The following MYO16 variants were observed in gnomAD, a reference collection of about 807,000 sequenced individuals.
MYO16 encodes unconventional myosin-XVI.
A neutral mutation model predicts 205.3 loss-of-function variants in MYO16; 94 were observed. The ratio of observed to expected loss-of-function variants is 0.46; its 90% confidence interval spans 0.39 to 0.54. The LOEUF is 0.54. MYO16 is among the 20% of genes least tolerant of loss of function. The probability of loss-of-function intolerance (pLI) is 0.00; values close to 1 mark genes in which losing one functional copy is unlikely to be tolerated. For synonymous variants in MYO16, 988 were observed against 954.0 expected (o/e 1.04, Z -0.66); for missense variants, 2,315 against 2,387.5 (o/e 0.97, Z 0.63).
intron 1 of MYO16, among the ~76,000 whole-genome samples, chr13:108,632,467 C>A (rs1454047334): frequency 1.3e-5 from 2 of 152,044 alleles, no homozygotes; most frequent in Non-Finnish European, 2.9e-5. Context: ...GCTGGGTGAC[C>A]AATAGCTAAT....
chr13:108,592,276 T>TG (rs1228587022), upstream of MYO16, among the ~76,000 whole-genome samples: 1 of 40,158 alleles, frequency 2.5e-5, no homozygotes, highest in Non-Finnish European at 4.6e-5. Context: ...TGTGGGTGTG[T>TG]GGGGGGCTGT....
intron 2 of MYO16, among the ~76,000 whole-genome samples, chr13:108,703,106 G>T (rs1285377316): frequency 6.9e-6 from 1 of 145,210 alleles, no homozygotes; most frequent in Non-Finnish European, 1.5e-5. Flanking sequence ...TAATATAAAT[G>T]GATTTAATAC....
chr13:108,738,709 G>A lies in MYO16; in HGVS notation c.507+11126G>A, dbSNP rs374474584. ...GATATCCTTGTTAACTTTCTGTCTC[G>A]TTGATCTGTGTAATATTGACAGTGG... On this transcript the variant is annotated intron_variant, in intron 4 of 34. Coordinates refer to ENST00000457511, the MANE Select transcript of MYO16 (RefSeq NM_001198950.3). Among the ~76,000 whole-genome samples the A allele has an allele frequency of 7.4e-4, 112 of 152,188 alleles. 1 individual carries two copies. The South Asian group carries it at 0.014, about 19-fold the overall frequency.
intron 32 of MYO16, among the ~76,000 whole-genome samples, chr13:109,150,931 TC>T (rs1261801079): frequency 6.6e-6 from 1 of 152,198 alleles, no homozygotes; most frequent in Non-Finnish European, 1.5e-5. Context: ...TATCTGCATC[TC>T]ATTATTGCCA....
At chr13:109,188,558 T>C (rs1879781054) in intron 34 of MYO16, among the ~76,000 whole-genome samples, 1 of 152,098 alleles carries the variant, frequency 6.6e-6, no homozygotes, top group Non-Finnish European at 1.5e-5. Flanking sequence ...ACACGATAGA[T>C]GAATATATAA....
intron 34 of MYO16, among the ~76,000 whole-genome samples, chr13:109,185,694 T>A (rs1335661920): frequency 1.3e-5 from 2 of 152,256 alleles, no homozygotes; most frequent in Non-Finnish European, 2.9e-5. Flanking sequence ...ACTTTAGAGC[T>A]ACATTTTTGG....
At chr13:108,852,356 T>A (rs1007397458) in intron 10 of MYO16, among the ~76,000 whole-genome samples, 1 of 152,152 alleles carries the variant, frequency 6.6e-6, no homozygotes, top group African/African-American at 2.4e-5. Flanking sequence ...TGTCATCAGA[T>A]GTTTCCATTA....
chr13:108,971,753 A>T (rs1884020938), intron 20 of MYO16, among the ~76,000 whole-genome samples: 1 of 152,092 alleles, frequency 6.6e-6, no homozygotes, highest in Admixed American at 6.6e-5. Context: ...TTGATTTCTC[A>T]TGAGTTAGTT....
chr13:108,781,628 C>T (rs1047047293), intron 4 of MYO16, among the ~76,000 whole-genome samples: 4 of 152,286 alleles, frequency 2.6e-5, no homozygotes, highest in Non-Finnish European at 5.9e-5. Context: ...AGCTCTGGCT[C>T]TTTTACTGTC....
the MYO16 span, among the ~76,000 whole-genome samples, chr13:108,554,766 C>T: frequency 2.1e-5 from 3 of 145,006 alleles, no homozygotes; most frequent in African/African-American, 7.6e-5. Flanking sequence ...AGGAGAATGA[C>T]GTGAACCCGG....
intron 28 of MYO16, among the ~76,000 whole-genome samples, chr13:109,113,956 G>T (rs937389820): frequency 9.2e-5 from 14 of 152,152 alleles, no homozygotes; most frequent in African/African-American, 3.4e-4. Flanking sequence ...ATGGACTCGG[G>T]GATAAGATGA....
At chr13:108,907,462 C>G (rs757860658) in intron 15 of MYO16, among the ~76,000 whole-genome samples, 1 of 152,178 alleles carries the variant, frequency 6.6e-6, no homozygotes, top group Non-Finnish European at 1.5e-5. Flanking sequence ...TGAACACTTA[C>G]ATGAATGCGT....
At chr13:108,721,312 A>G (rs944010240) in intron 3 of MYO16, among the ~76,000 whole-genome samples, 8 of 152,288 alleles carry the variant, frequency 5.3e-5, no homozygotes, top group African/African-American at 1.9e-4. Context: ...AGAATGAGGT[A>G]TTGTAGTCAT....
intron 27 of MYO16, among the ~76,000 whole-genome samples, chr13:109,095,669 C>T (rs1888754064): frequency 6.6e-6 from 1 of 152,098 alleles, no homozygotes; most frequent in African/African-American, 2.4e-5. Flanking sequence ...CGAATTATAT[C>T]AATTAAATTC....
intron 16 of MYO16, among the ~76,000 whole-genome samples, chr13:108,911,812 A>G (rs895295620): frequency 3.7e-4 from 57 of 152,158 alleles, no homozygotes; most frequent in African/African-American, 1.4e-3. Context: ...GCGATGAGGA[A>G]TGGGAAAACA....
intron 28 of MYO16, among the ~76,000 whole-genome samples, chr13:109,111,493 A>G (rs1889283107): frequency 6.6e-6 from 1 of 152,218 alleles, no homozygotes; most frequent in South Asian, 2.1e-4. Flanking sequence ...CAACTACGAT[A>G]GTACATATCC....
rs1878120224 is a variant in MYO16 at position 108,855,480 on chromosome 13, C to T, written c.1286C>T (p.Ala429Val). Residue 429 changes from alanine to valine, a missense_variant, in exon 11 of 35, where the codon GCA (alanine) becomes GTA (valine). Physicochemically the swap from Ala to Val is moderately conservative, Grantham distance 64 (BLOSUM62 0). Transcript: ENST00000457511. ...LMPPAPNDDL[A>V]TLSELNDGSL... Reference sequence around the variant, plus strand: ...CCTCCTGCCCCAAACGATGACCTGGCAACGCTCAGCGAGCTCAATGATGGC... The same window carrying T: ...CCTCCTGCCCCAAACGATGACCTGGTAACGCTCAGCGAGCTCAATGATGGC... 2 of 1,596,520 alleles carry T rather than the reference C, an allele frequency of 1.3e-6. No individual in the cohort carries two copies. The highest frequency in any genetic ancestry group is 2.2e-5 in the East Asian group (1 of 44,584).
At chr13:108,664,126 G>A (rs1566536861) in intron 1 of MYO16, among the ~76,000 whole-genome samples, 1 of 152,160 alleles carries the variant, frequency 6.6e-6, no homozygotes, top group Non-Finnish European at 1.5e-5. Flanking sequence ...AATATTTTAT[G>A]TATAGTTAGT....
At chr13:108,942,142 T>A (rs1045442993) in intron 16 of MYO16, among the ~76,000 whole-genome samples, 4 of 152,244 alleles carry the variant, frequency 2.6e-5, no homozygotes, top group Non-Finnish European at 5.9e-5. Context: ...ACAGTGCAGC[T>A]GGTGCTTCAT....
Sources: gnomAD v4.1 joint callset for allele counts (sites outside exome capture counted in the v4.1 genomes callset) on GRCh38, gnomAD v4.1.1 for gene constraint, MANE v1.5 for transcripts, NCBI Gene and HGNC (gene_info 2026-07-23, HGNC 2026-07-21) for gene names.